CLEC12A: variants seen among roughly 807,000 people sequenced by gnomAD.
CLEC12A encodes the protein C-type lectin protein CLL-1.
A neutral mutation model predicts 26.5 loss-of-function variants in CLEC12A; 22 were observed. That is an observed-to-expected ratio of 0.83 (90% CI 0.59 to 1.19). CLEC12A has a LOEUF of 1.19. Among genes scored for constraint, CLEC12A ranks in the 50% most tolerant of loss-of-function variants. The pLI, the probability that CLEC12A is intolerant of heterozygous loss-of-function variation, is 0.00. For missense variants in CLEC12A, 353 were observed against 315.6 expected, an observed-to-expected ratio of 1.12 and a Z score of -0.90; for synonymous variants, 119 against 101.9, an observed-to-expected ratio of 1.17 and a Z score of -1.01.
chr12:9,967,981 C>T (rs906546418), upstream of CLEC12A, among the ~76,000 whole-genome samples: 4 of 152,154 alleles, frequency 2.6e-5, no homozygotes, highest in South Asian at 2.1e-4. Context: ...ATGAATAAAA[C>T]GCGTCTCCTT....
At chr12:9,983,797 A>G (rs1191572574) in intron 5 of CLEC12A, 2 of 357,490 alleles carry the variant, frequency 5.6e-6, no homozygotes, top group Non-Finnish European at 5.1e-6. Context: ...TGGGTCAGAA[A>G]GAAAAGGTGG....
rs186165095 is a variant in CLEC12A at position 9,961,362 on chromosome 12, C to T, written c.10+10006C>T. ...GAGTCCATTCAGATGGTTGAGGGGC[C>T]TTAGAATTTCATTTTTGGTTTACAC... On this transcript the variant is annotated intron_variant, in intron 1 of 6. Coordinates refer to the CLEC12A transcript ENST00000355690. Among the ~76,000 whole-genome samples, 303 of 152,248 alleles carry T rather than the reference C, an allele frequency of 2.0e-3. 1 individual carries two copies. The highest frequency in any genetic ancestry group is 7.0e-3 in the African/African-American group (290 of 41,536).
chr12:9,978,374 T>C (rs1021720403), intron 1 of CLEC12A, among the ~76,000 whole-genome samples: 11 of 150,984 alleles, frequency 7.3e-5, no homozygotes, highest in African/African-American at 2.4e-4. Flanking sequence ...CACATGAAAA[T>C]TTTTTTGAAA....
chr12:9,985,553 T>C lies in CLEC12A; in HGVS notation c.*527T>C. The C allele has an allele frequency of 2.5e-6, 1 of 398,558 alleles. No homozygotes were observed. The highest frequency in any genetic ancestry group is 2.1e-5 in the African/African-American group (1 of 48,722). 24.7% of individuals were successfully genotyped at this position (398,558 alleles called of 1,614,324 possible). On this transcript the variant is annotated 3_prime_UTR_variant, in exon 6 of 6. Coordinates refer to ENST00000304361, the MANE Select transcript of CLEC12A (RefSeq NM_138337.6). ...ACATGCATTTATTACCTCTTAAAATTATTATTTTAAGTAAAAGCCAATAAA... is the reference window on the plus strand; with the variant it reads ...ACATGCATTTATTACCTCTTAAAATCATTATTTTAAGTAAAAGCCAATAAA...
chr12:9,983,731 G>T, intron 5 of CLEC12A: 2 of 471,112 alleles, frequency 4.2e-6, no homozygotes, highest in Non-Finnish European at 7.5e-6. Flanking sequence ...AGAATTTTTT[G>T]TTTTGTTTTG....
chr12:9,965,230 C>T (rs1160551241), intron 1 of CLEC12A, among the ~76,000 whole-genome samples: 4 of 152,058 alleles, frequency 2.6e-5, no homozygotes, highest in Admixed American at 1.3e-4. Context: ...GGTGCGGTCC[C>T]AGCTCTTGTG....
chr12:9,984,791 TG>T, intron 5 of CLEC12A, 78 bp from the exon 6 acceptor site: 1 of 1,269,540 alleles, frequency 7.9e-7, no homozygotes. Context: ...AATATCATGT[TG>T]GAAGTGTAAT....
At chr12:10,005,777 G>A in the CLEC12A span, among the ~76,000 whole-genome samples, 57,714 of 151,812 alleles carry the variant, frequency 0.38, 11,298 homozygotes, top group African/African-American at 0.42. Context: ...TCCTTCTTGT[G>A]GCCATTTATT....
At chr12:9,980,506 C>T in intron 3 of CLEC12A, 76 bp from the exon 4 acceptor site, 1 of 1,359,508 alleles carries the variant, frequency 7.4e-7, no homozygotes, top group Non-Finnish European at 1.0e-6. Context: ...ATCAATGTCA[C>T]ACAGAGAGGA....
intron 5 of CLEC12A, among the ~76,000 whole-genome samples, chr12:9,982,528 CTAGAGA>C (rs1222389732): frequency 1.3e-5 from 2 of 151,946 alleles, no homozygotes; most frequent in Admixed American, 1.3e-4. Context: ...TTGAATTATG[CTAGAGA>C]TAAAGAGAAT....
intron 1 of CLEC12A, among the ~76,000 whole-genome samples, chr12:9,966,281 T>A (rs1863947528): frequency 6.6e-6 from 1 of 151,554 alleles, no homozygotes; most frequent in Non-Finnish European, 1.5e-5. Flanking sequence ...TTACCTAGAG[T>A]GTCTGTGATG....
chr12:9,992,990 G>C, intron 4 of CLEC12A: 1 of 665,714 alleles, frequency 1.5e-6, no homozygotes, highest in Non-Finnish European at 2.6e-6. Flanking sequence ...TCAAAGAAGG[G>C]ACTAGGTAAT....
chr12:9,996,736 T>C, downstream of CLEC12A: 1 of 1,108,678 alleles, frequency 9.0e-7, no homozygotes, highest in Non-Finnish European at 1.4e-6. Flanking sequence ...CTTAGATTAG[T>C]ACAAACTGAA....
intron 5 of CLEC12A, chr12:9,983,705 G>T: frequency 2.0e-6 from 1 of 488,128 alleles, no homozygotes; most frequent in African/African-American, 2.0e-5. Flanking sequence ...CATCACATTG[G>T]GCCATAATGG....
chr12:9,987,738 G>T (rs1377956771), downstream of CLEC12A, among the ~76,000 whole-genome samples: 2 of 151,924 alleles, frequency 1.3e-5, no homozygotes, highest in Non-Finnish European at 2.9e-5. Flanking sequence ...TAACCTGTAT[G>T]TTTTTGTTTG....
chr12:9,956,464 A>G (rs1207331393), intron 1 of CLEC12A, among the ~76,000 whole-genome samples: 1 of 152,338 alleles, frequency 6.6e-6, no homozygotes, highest in East Asian at 1.9e-4. Flanking sequence ...GATGAGAAAC[A>G]TGAATGTTCT....
upstream of CLEC12A, among the ~76,000 whole-genome samples, chr12:9,968,465 G>T (rs1273845859): frequency 6.6e-6 from 1 of 152,104 alleles, no homozygotes; most frequent in Admixed American, 6.5e-5. Flanking sequence ...GGGCAGGAGT[G>T]GGGGTAACAA....
chr12:9,973,005 C>T (rs973052971), intron 1 of CLEC12A, among the ~76,000 whole-genome samples: 16 of 152,110 alleles, frequency 1.1e-4, no homozygotes, highest in African/African-American at 1.9e-4. Flanking sequence ...CCTGAATTCA[C>T]GGAAATATTG....
chr12:9,966,382 G>T (rs577873994), intron 1 of CLEC12A, among the ~76,000 whole-genome samples: 1 of 140,230 alleles, frequency 7.1e-6, no homozygotes, highest in Non-Finnish European at 1.5e-5. Flanking sequence ...AGAGCCTTGG[G>T]GCAGAGTTCC....
Sources: allele counts gnomAD v4.1 joint callset (sites outside exome capture counted in the v4.1 genomes callset), GRCh38; gene constraint gnomAD v4.1.1; transcripts MANE v1.5; gene names NCBI Gene and HGNC (gene_info 2026-07-23, HGNC 2026-07-21).